The following ZFHX3 variants were observed in gnomAD, a reference collection of about 807,000 sequenced individuals.
The protein encoded by ZFHX3 is zinc finger homeobox 3, also known as zinc finger homeobox protein 3.
In ZFHX3, 42 loss-of-function variants were observed where a neutral mutation model predicts 279.1. The ratio of observed to expected loss-of-function variants is 0.15; its 90% CI spans 0.12 to 0.19. The LOEUF is 0.19. Among genes scored for constraint, ZFHX3 ranks in the 10% least tolerant of loss-of-function variants. The pLI, the probability that ZFHX3 is intolerant of heterozygous loss-of-function variation, is 1.00. For synonymous variants in ZFHX3, 2,293 were observed against 1,957.8 expected, an observed-to-expected ratio of 1.17 and a Z score of -4.52; for missense variants, 4,981 against 4,754.0, an observed-to-expected ratio of 1.05 and a Z score of -1.40.
chr16:73,063,397 C>T (rs984775659), upstream of ZFHX3, among the ~76,000 whole-genome samples: 2 of 152,184 alleles, frequency 1.3e-5, no homozygotes, highest in African/African-American at 4.8e-5. Flanking sequence ...ACACCCCCAT[C>T]GCCCCGGTCC....
chr16:73,440,033 G>C (rs988209179), intron 3 of ZFHX3, among the ~76,000 whole-genome samples: 1 of 151,604 alleles, frequency 6.6e-6, no homozygotes, highest in African/African-American at 2.4e-5. Context: ...TAGCAGTCAA[G>C]TGCGTTGTTC....
chr16:72,984,835 T>C (rs1312262332), intron 1 of ZFHX3, among the ~76,000 whole-genome samples: 1 of 152,010 alleles, frequency 6.6e-6, no homozygotes, highest in African/African-American at 2.4e-5. Flanking sequence ...AATTTATACA[T>C]ATAAAATTTA....
intron 1 of ZFHX3, among the ~76,000 whole-genome samples, chr16:73,760,007 C>G (rs1465651822): frequency 3.0e-5 from 3 of 100,874 alleles, no homozygotes; most frequent in African/African-American, 1.0e-4. Context: ...AATCCAGGAG[C>G]TGTTTTTTTT....
intron 3 of ZFHX3, among the ~76,000 whole-genome samples, chr16:73,403,147 G>A (rs746241015): frequency 3.9e-5 from 6 of 152,124 alleles, no homozygotes; most frequent in Non-Finnish European, 8.8e-5. Context: ...AAGGAAGGGT[G>A]GAAAAAAGGT....
chr16:73,708,974 A>T (rs778156818), intron 1 of ZFHX3, among the ~76,000 whole-genome samples: 9 of 152,158 alleles, frequency 5.9e-5, no homozygotes, highest in Non-Finnish European at 7.4e-5. Flanking sequence ...TGGGGAGGGA[A>T]TCCATGACAA....
At chr16:73,626,318 A>C (rs1214229773) in intron 2 of ZFHX3, among the ~76,000 whole-genome samples, 1 of 152,166 alleles carries the variant, frequency 6.6e-6, no homozygotes, top group Non-Finnish European at 1.5e-5. Context: ...AAGCAAAGCC[A>C]CAAAGGAAAA....
chr16:73,702,321 G>A (rs1268834260), intron 1 of ZFHX3, among the ~76,000 whole-genome samples: 1 of 151,922 alleles, frequency 6.6e-6, no homozygotes, highest in Non-Finnish European at 1.5e-5. Context: ...GGCTGCAGGT[G>A]TGGGGACATT....
intron 3 of ZFHX3, among the ~76,000 whole-genome samples, chr16:72,945,181 G>C (rs1596994965): frequency 6.6e-6 from 1 of 152,190 alleles, no homozygotes; most frequent in East Asian, 1.9e-4. Flanking sequence ...CTTCTGGAAG[G>C]AGGAAAGAAC....
At chr16:73,291,172 A>G (rs759100130) in intron 4 of ZFHX3, among the ~76,000 whole-genome samples, 3 of 152,078 alleles carry the variant, frequency 2.0e-5, no homozygotes, top group Non-Finnish European at 4.4e-5. Flanking sequence ...TCTCCTTCCA[A>G]CGGTACCCAT....
upstream of ZFHX3, chr16:73,060,793 A>T (rs1463723893): frequency 6.6e-6 from 1 of 152,152 alleles, no homozygotes; most frequent in Non-Finnish European, 1.5e-5. Context: ...CTTGGGAAAA[A>T]ATGTTGCCCT....
intron 3 of ZFHX3, among the ~76,000 whole-genome samples, chr16:73,320,170 G>T (rs1222589734): frequency 6.6e-6 from 1 of 152,138 alleles, no homozygotes; most frequent in South Asian, 2.1e-4. Context: ...CGAGGGCCTG[G>T]GATTCAGAAG....
At chr16:73,752,129 C>T (rs776683187) in intron 1 of ZFHX3, among the ~76,000 whole-genome samples, 4 of 151,930 alleles carry the variant, frequency 2.6e-5, no homozygotes, top group Non-Finnish European at 5.9e-5. Context: ...ATCCATGGTG[C>T]CATTTATACG....
intron 1 of ZFHX3, among the ~76,000 whole-genome samples, chr16:73,684,216 C>T (rs919599374): frequency 6.6e-6 from 1 of 152,084 alleles, no homozygotes; most frequent in African/African-American, 2.4e-5. Context: ...ATCTCTTGAG[C>T]CCAGGAGGTC....
chr16:73,222,420 C>G (rs774374089), intron 5 of ZFHX3, among the ~76,000 whole-genome samples: 5 of 151,960 alleles, frequency 3.3e-5, no homozygotes, highest in Non-Finnish European at 7.4e-5. Context: ...CTCCTATATA[C>G]CAGCAATGAA....
intron 5 of ZFHX3, among the ~76,000 whole-genome samples, chr16:73,188,154 C>T (rs1309116510): frequency 2.6e-5 from 4 of 152,060 alleles, no homozygotes. Context: ...AGCCACTGTG[C>T]CCGGCCAGGT....
At chr16:73,097,835 G>C (rs552961675) in intron 7 of ZFHX3, among the ~76,000 whole-genome samples, 2 of 152,258 alleles carry the variant, frequency 1.3e-5, no homozygotes, top group South Asian at 2.1e-4. Flanking sequence ...TACAATATTT[G>C]TCCCTTTGTA....
intron 2 of ZFHX3, among the ~76,000 whole-genome samples, chr16:73,513,869 A>T (rs887320384): frequency 6.6e-6 from 1 of 152,092 alleles, no homozygotes; most frequent in African/African-American, 2.4e-5. Flanking sequence ...CAGCCCATGG[A>T]CTGTCAGCTT....
At chr16:73,296,043 C>T (rs900057146) in intron 4 of ZFHX3, among the ~76,000 whole-genome samples, 3 of 151,276 alleles carry the variant, frequency 2.0e-5, no homozygotes, top group Non-Finnish European at 2.9e-5. Flanking sequence ...GGGAAATTCA[C>T]AGTTCTAGCC....
intron 3 of ZFHX3, among the ~76,000 whole-genome samples, chr16:72,934,110 G>A (rs111262747): frequency 1.7e-4 from 26 of 152,134 alleles, no homozygotes; most frequent in African/African-American, 5.8e-4. Context: ...TAGCCACCAC[G>A]CCCGGCCACA....
Sources: allele counts gnomAD v4.1 joint callset (sites outside exome capture counted in the v4.1 genomes callset), GRCh38; gene constraint gnomAD v4.1.1; transcripts MANE v1.5; gene names NCBI Gene and HGNC (gene_info 2026-07-23, HGNC 2026-07-21).